The following MCTP2 variants were observed in gnomAD, a reference collection of about 807,000 sequenced individuals.
MCTP2 encodes the protein multiple C2 and transmembrane domain containing 2.
Under a neutral mutation model 111.6 loss-of-function variants are expected in MCTP2, and 132 were observed. The ratio of observed to expected loss-of-function variants is 1.18; its 90% CI spans 1.03 to 1.37. The LOEUF is 1.37. MCTP2 is among the 40% of genes most tolerant of loss of function. The pLI, the probability that MCTP2 is intolerant of heterozygous loss-of-function variation, is 0.00. For missense variants in MCTP2, 1,183 were observed against 1,067.9 expected, an observed-to-expected ratio of 1.11 and a Z score of -1.50; for synonymous variants, 395 against 387.7, an observed-to-expected ratio of 1.02 and a Z score of -0.22.
At chr15:94,435,625 T>TA (rs1158034756) in intron 17 of MCTP2, among the ~76,000 whole-genome samples, 5 of 144,136 alleles carry the variant, frequency 3.5e-5, no homozygotes, top group Non-Finnish European at 7.6e-5. Context: ...GTACTTTTTT[T>TA]ATTCTTTTTT....
In MCTP2 at chr15:94,476,649, T is replaced by TAGATAGACAGACAGAC. The variant is rs756773056; in HGVS notation, c.2471-44_2471-43insTAGACAGACAGACAGA. 41 of 736,806 alleles carry TAGATAGACAGACAGAC rather than the reference T, an allele frequency of 5.6e-5. No individual in the cohort carries two copies. The African/African-American group carries it at 7.8e-4, about 14-fold the overall frequency. The allele number at this position is 736,806 out of a possible 1,614,324, so 45.6% of individuals were successfully genotyped here. On this transcript the variant is annotated intron_variant, in intron 21 of 22. Coordinates refer to ENST00000357742, the MANE Select transcript of MCTP2 (RefSeq NM_001385001.1). ...ATAGATAGATAGATAGATAGATAGATAGACAGACAGACAGATAAAGAGATC... is the reference window on the plus strand; with the variant it reads ...ATAGATAGATAGATAGATAGATAGATAGATAGACAGACAGACAGACAGACAGACAGATAAAGAGATC...
chr15:94,302,679 A>G (rs2075679637), intron 2 of MCTP2, among the ~76,000 whole-genome samples: 1 of 152,206 alleles, frequency 6.6e-6, no homozygotes, highest in Non-Finnish European at 1.5e-5. Context: ...CACCTCAAAC[A>G]TAGACCATGA....
intron 1 of MCTP2, among the ~76,000 whole-genome samples, chr15:94,265,377 G>A (rs1258535079): frequency 4.6e-5 from 7 of 152,174 alleles, no homozygotes; most frequent in African/African-American, 1.2e-4. Context: ...AAGGGGTCAC[G>A]TGGACTTGGA....
chr15:94,320,374 C>A (rs192314126), intron 4 of MCTP2, among the ~76,000 whole-genome samples: 6 of 152,232 alleles, frequency 3.9e-5, no homozygotes, highest in Admixed American at 3.9e-4. Flanking sequence ...ATCTCCTGAC[C>A]TTGTGATCCA....
chr15:94,279,732 A>G (rs1244374519), intron 1 of MCTP2, among the ~76,000 whole-genome samples: 7 of 152,182 alleles, frequency 4.6e-5, no homozygotes, highest in South Asian at 2.1e-4. Context: ...CCTGTTCACT[A>G]TGATGCTGGC....
chr15:94,265,725 T>C (rs945227685), intron 1 of MCTP2, among the ~76,000 whole-genome samples: 1 of 152,172 alleles, frequency 6.6e-6, no homozygotes, highest in Admixed American at 6.5e-5. Context: ...TAAATTATCT[T>C]AATGAAGCCT....
At chr15:94,284,153 T>A (rs1227535999) in intron 1 of MCTP2, among the ~76,000 whole-genome samples, 3 of 152,210 alleles carry the variant, frequency 2.0e-5, no homozygotes, top group Non-Finnish European at 4.4e-5. Context: ...GGTATGGTGT[T>A]TCTCAATGGG....
At chr15:94,358,938 A>G (rs1213116231) in intron 10 of MCTP2, among the ~76,000 whole-genome samples, 1 of 152,196 alleles carries the variant, frequency 6.6e-6, no homozygotes, top group East Asian at 1.9e-4. Flanking sequence ...TACCTAGCGA[A>G]ATGTTATATA....
At chr15:94,298,148 C>A in intron 1 of MCTP2, 53 bp from the exon 2 acceptor site, 1 of 765,954 alleles carries the variant, frequency 1.3e-6, no homozygotes, top group Non-Finnish European at 2.0e-6. Context: ...CAAGAAGGTT[C>A]ATGTTTTTTT....
At chr15:94,368,381 T>C (rs2079309252) in intron 11 of MCTP2, among the ~76,000 whole-genome samples, 1 of 152,250 alleles carries the variant, frequency 6.6e-6, no homozygotes, top group Non-Finnish European at 1.5e-5. Flanking sequence ...TTATTTTTTG[T>C]ACTCTGGCTT....
intron 4 of MCTP2, among the ~76,000 whole-genome samples, chr15:94,318,387 G>A (rs1055690432): frequency 2.0e-5 from 3 of 151,442 alleles, no homozygotes; most frequent in African/African-American, 7.3e-5. Flanking sequence ...GGGTTCAAGC[G>A]ATTCTCCTGC....
chr15:94,419,388 A>G (rs956692379), intron 17 of MCTP2, among the ~76,000 whole-genome samples: 1 of 152,146 alleles, frequency 6.6e-6, no homozygotes, highest in African/African-American at 2.4e-5. Flanking sequence ...CTTTCTTTAT[A>G]TTATGGTACC....
At chr15:94,256,030 T>C (rs2072742882) in intron 1 of MCTP2, among the ~76,000 whole-genome samples, 1 of 152,198 alleles carries the variant, frequency 6.6e-6, no homozygotes, top group African/African-American at 2.4e-5. Flanking sequence ...CAGAATTTTC[T>C]TGACATCTGT....
At chr15:94,258,872 T>G (rs1160076919) in intron 1 of MCTP2, among the ~76,000 whole-genome samples, 1 of 152,234 alleles carries the variant, frequency 6.6e-6, no homozygotes, top group African/African-American at 2.4e-5. Context: ...CTCTGCATAT[T>G]CTTTTGATCA....
chr15:94,434,795 T>C (rs1234330520), intron 17 of MCTP2, among the ~76,000 whole-genome samples: 1 of 152,182 alleles, frequency 6.6e-6, no homozygotes, highest in East Asian at 1.9e-4. Flanking sequence ...GCTAGTGTGT[T>C]ATTTGCTAAA....
At chr15:94,274,599 A>G (rs1481143817) in intron 1 of MCTP2, among the ~76,000 whole-genome samples, 1 of 152,134 alleles carries the variant, frequency 6.6e-6, no homozygotes, top group Non-Finnish European at 1.5e-5. Flanking sequence ...CTCTAGTCCA[A>G]TAAGCTAAAT....
chr15:94,323,919 C>T (rs967922907), intron 4 of MCTP2, among the ~76,000 whole-genome samples: 1 of 152,132 alleles, frequency 6.6e-6, no homozygotes, highest in African/African-American at 2.4e-5. Context: ...TCCTTATATT[C>T]CCCATTTCCT....
intron 2 of MCTP2, among the ~76,000 whole-genome samples, chr15:94,302,374 G>C (rs1217163755): frequency 6.6e-6 from 1 of 152,180 alleles, no homozygotes; most frequent in African/African-American, 2.4e-5. Context: ...CAAAGAAAGT[G>C]AAATGTTAGT....
chr15:94,275,849 T>C (rs1229395436), intron 1 of MCTP2, among the ~76,000 whole-genome samples: 1 of 150,232 alleles, frequency 6.7e-6, no homozygotes, highest in Non-Finnish European at 1.5e-5. Context: ...TAAGCATTTT[T>C]TTTTTTTTTT....
Sources: gnomAD v4.1 joint callset for allele counts (sites outside exome capture counted in the v4.1 genomes callset) on GRCh38, gnomAD v4.1.1 for gene constraint, MANE v1.5 for transcripts, NCBI Gene and HGNC (gene_info 2026-07-23, HGNC 2026-07-21) for gene names.